Variants in RBFOX1 observed in about 807,000 individuals in gnomAD.
The protein encoded by RBFOX1 is RNA binding protein fox-1 homolog 1.
Under a neutral mutation model 57.7 loss-of-function variants are expected in RBFOX1, and 8 were observed. That is an observed-to-expected ratio of 0.14 (90% CI 0.08 to 0.25). The LOEUF (loss-of-function observed/expected upper bound fraction) is 0.25. Ranked by LOEUF, RBFOX1 falls within the 10% of genes least tolerant of loss-of-function variation. The pLI, the probability that RBFOX1 is intolerant of heterozygous loss-of-function variation, is 1.00. For synonymous variants in RBFOX1, 326 were observed against 222.4 expected (o/e 1.47, Z -4.15); for missense variants, 611 against 548.5 (o/e 1.11, Z -1.14).
At chr16:6,599,974 A>G (rs759722022) in intron 2 of RBFOX1, among the ~76,000 whole-genome samples, 3 of 152,166 alleles carry the variant, frequency 2.0e-5, no homozygotes, top group Admixed American at 1.3e-4. Context: ...ACAGTAAGGT[A>G]TGCAACATGT....
chr16:5,512,737 C>T (rs1278426801), intron 2 of RBFOX1, among the ~76,000 whole-genome samples: 2 of 152,190 alleles, frequency 1.3e-5, no homozygotes, highest in South Asian at 2.1e-4. Flanking sequence ...TCTTGTGACA[C>T]GTTCGTCATA....
intron 2 of RBFOX1, among the ~76,000 whole-genome samples, chr16:6,576,446 C>T (rs191096550): frequency 3.3e-5 from 5 of 152,294 alleles, no homozygotes; most frequent in South Asian, 4.1e-4. Flanking sequence ...TTCTTATCAA[C>T]ATTGTAACAT....
At chr16:7,164,700 T>C (rs532603268) in intron 4 of RBFOX1, among the ~76,000 whole-genome samples, 1 of 152,220 alleles carries the variant, frequency 6.6e-6, no homozygotes, top group South Asian at 2.1e-4. Context: ...ACATTTCTAT[T>C]CAGTTTTCCC....
intron 3 of RBFOX1, among the ~76,000 whole-genome samples, chr16:6,898,151 A>G (rs1375930299): frequency 6.6e-6 from 1 of 152,220 alleles, no homozygotes; most frequent in Non-Finnish European, 1.5e-5. Flanking sequence ...CAAATCATGC[A>G]TCATAATTGA....
chr16:5,818,524 C>T (rs1424391037), intron 3 of RBFOX1, among the ~76,000 whole-genome samples: 3 of 152,158 alleles, frequency 2.0e-5, no homozygotes, highest in Admixed American at 6.5e-5. Context: ...TTCTGAAATC[C>T]GTCTCGGAAG....
At chr16:6,485,565 C>T (rs989931402) in intron 2 of RBFOX1, among the ~76,000 whole-genome samples, 29 of 152,108 alleles carry the variant, frequency 1.9e-4, no homozygotes, top group Non-Finnish European at 2.4e-4. Flanking sequence ...AGGAATTCTC[C>T]GCTCACCTGC....
At chr16:5,857,976 A>G (rs1190219091) in intron 3 of RBFOX1, among the ~76,000 whole-genome samples, 1 of 151,768 alleles carries the variant, frequency 6.6e-6, no homozygotes, top group Non-Finnish European at 1.5e-5. Context: ...GTTATAAAAT[A>G]TCATTTTGTG....
intron 3 of RBFOX1, among the ~76,000 whole-genome samples, chr16:5,837,816 A>C (rs901478477): frequency 6.6e-6 from 1 of 152,156 alleles, no homozygotes; most frequent in Non-Finnish European, 1.5e-5. Flanking sequence ...CATTGATCAC[A>C]CTATCCTTAG....
intron 3 of RBFOX1, among the ~76,000 whole-genome samples, chr16:5,624,823 C>G (rs1421698448): frequency 6.6e-6 from 1 of 152,184 alleles, no homozygotes; most frequent in East Asian, 1.9e-4. Flanking sequence ...GCTCTTATGG[C>G]AGGATGGGGG....
chr16:6,449,430 G>A (rs1355215087), intron 2 of RBFOX1, among the ~76,000 whole-genome samples: 1 of 152,228 alleles, frequency 6.6e-6, no homozygotes, highest in Non-Finnish European at 1.5e-5. Context: ...TTGGAAGGCA[G>A]GCTTCTGATT....
chr16:6,336,302 C>T (rs1372833185), intron 2 of RBFOX1, among the ~76,000 whole-genome samples: 1 of 145,408 alleles, frequency 6.9e-6, no homozygotes, highest in Non-Finnish European at 1.5e-5. Context: ...AGGTTCACGC[C>T]ATTCTGCCTC....
At chr16:7,506,184 CAAAAAAAAAAAAAAAAA>C (rs552568132) in intron 4 of RBFOX1, among the ~76,000 whole-genome samples, 3,502 of 50,424 alleles carry the variant, frequency 0.069, 247 homozygotes, top group African/African-American at 0.24. Flanking sequence ...GACTCTGTCT[CAAAAAAAAAAAAAAAAA>C]AAAAAAAAAA....
chr16:7,675,983 A>T (rs1054371558), intron 13 of RBFOX1, among the ~76,000 whole-genome samples: 4 of 152,224 alleles, frequency 2.6e-5, no homozygotes, highest in Non-Finnish European at 5.9e-5. Context: ...CCTTTTGAAT[A>T]TGCCTATTTG....
intron 2 of RBFOX1, among the ~76,000 whole-genome samples, chr16:6,336,169 ATATATATATATATTTTTTTTTTTTTTTTT>A (rs2083660524): frequency 4.6e-5 from 1 of 21,506 alleles, no homozygotes; most frequent in African/African-American, 1.9e-4. Context: ...ATATATATAT[ATATATATATATATTTTTTTTTTTTTTTTT>A]TTTTTTTTTT....
chr16:6,649,618 T>C (rs2098561789), intron 2 of RBFOX1, among the ~76,000 whole-genome samples: 1 of 152,230 alleles, frequency 6.6e-6, no homozygotes, highest in South Asian at 2.1e-4. Context: ...ATGCAATGTT[T>C]CGTTTTCCAT....
intron 4 of RBFOX1, among the ~76,000 whole-genome samples, chr16:7,394,639 C>G (rs1307618527): frequency 6.6e-6 from 1 of 152,162 alleles, no homozygotes; most frequent in Non-Finnish European, 1.5e-5. Flanking sequence ...TCTGGATTCT[C>G]GATCACCACC....
intron 2 of RBFOX1, among the ~76,000 whole-genome samples, chr16:6,524,199 T>C (rs531189478): frequency 6.6e-6 from 1 of 152,338 alleles, no homozygotes; most frequent in South Asian, 2.1e-4. Context: ...CCGTGAGTTC[T>C]ATCATTTTTA....
intron 2 of RBFOX1, among the ~76,000 whole-genome samples, chr16:6,396,458 G>T (rs373988365): frequency 6.6e-5 from 10 of 151,862 alleles, no homozygotes; most frequent in African/African-American, 1.9e-4. Context: ...GGAAGATGCA[G>T]ATTTACCTAT....
chr16:6,425,483 G>A (rs2093899355), intron 2 of RBFOX1, among the ~76,000 whole-genome samples: 1 of 152,160 alleles, frequency 6.6e-6, no homozygotes, highest in African/African-American at 2.4e-5. Flanking sequence ...GGATTAGGCG[G>A]TGCTGTGTTG....
Sources: allele counts gnomAD v4.1 joint callset (sites outside exome capture counted in the v4.1 genomes callset), GRCh38; gene constraint gnomAD v4.1.1; transcripts MANE v1.5; gene names NCBI Gene and HGNC (gene_info 2026-07-23, HGNC 2026-07-21).